SDK1: variants seen among roughly 807,000 people sequenced by gnomAD.
SDK1 encodes the protein sidekick cell adhesion molecule 1.
SDK1 carries 157 observed loss-of-function variants against 245.5 expected under a neutral mutation model. The observed-to-expected ratio is 0.64, with a 90% CI of 0.56 to 0.73. The LOEUF is 0.73. Among genes scored for constraint, SDK1 ranks in the 30% least tolerant of loss-of-function variants. The pLI, the probability that SDK1 is intolerant of heterozygous loss-of-function variation, is 0.00. For synonymous variants in SDK1, 1,647 were observed against 1,278.5 expected, an observed-to-expected ratio of 1.29 and a Z score of -6.15; for missense variants, 3,583 against 3,002.3, an observed-to-expected ratio of 1.19 and a Z score of -4.52.
At chr7:3,757,083 A>G (rs1383428318) in intron 4 of SDK1, among the ~76,000 whole-genome samples, 4 of 152,024 alleles carry the variant, frequency 2.6e-5, no homozygotes, top group African/African-American at 9.7e-5. Flanking sequence ...GTGTCCTGCA[A>G]TTCAACTGAA....
At chr7:3,687,238 C>T (rs1212004031) in intron 4 of SDK1, among the ~76,000 whole-genome samples, 1 of 150,062 alleles carries the variant, frequency 6.7e-6, no homozygotes, top group Non-Finnish European at 1.5e-5. Context: ...GTGGTGCGAT[C>T]TCAGCTCAGC....
intron 35 of SDK1, among the ~76,000 whole-genome samples, chr7:4,192,829 C>A (rs1783288841): frequency 6.6e-6 from 1 of 151,804 alleles, no homozygotes; most frequent in Admixed American, 6.6e-5. Context: ...ATCCAAACAT[C>A]CACCTCCTCC....
At chr7:4,264,997 G>T (rs920044238) in intron 44 of SDK1, 127 bp from the exon 45 acceptor site, 5 of 1,410,694 alleles carry the variant, frequency 3.5e-6, no homozygotes, top group Non-Finnish European at 4.7e-6. Flanking sequence ...GGGTTGGGGT[G>T]GGGAGAGGGC....
Position 3,985,227 on chromosome 7 carries a change from G to T in SDK1, c.1995-1959G>T, listed in dbSNP as rs565271344. On this transcript the variant is annotated intron_variant, in intron 13 of 44. Transcript: ENST00000404826. ...CACCATGGTGGCGAAAACCGTCCCAGTCACTCAGGAAACTAAAACAGTCTG... is the reference window on the plus strand; with the variant it reads ...CACCATGGTGGCGAAAACCGTCCCATTCACTCAGGAAACTAAAACAGTCTG... Among the ~76,000 whole-genome samples the T allele has an allele frequency of 1.1e-3, 161 of 152,344 alleles. 1 individual carries two copies. Among genetic ancestry groups the T allele is most frequent in the African/African-American group, 3.6e-3 (149 of 41,570 alleles).
chr7:3,951,635 T>G (rs929055434), intron 6 of SDK1, 95 bp from the exon 7 acceptor site: 2 of 1,094,636 alleles, frequency 1.8e-6, no homozygotes, highest in Non-Finnish European at 2.7e-6. Context: ...CTGGTAGCAT[T>G]AGCTTCGTCA....
At chr7:3,786,528 C>G (rs1562442378) in intron 4 of SDK1, among the ~76,000 whole-genome samples, 1 of 152,136 alleles carries the variant, frequency 6.6e-6, no homozygotes, top group Non-Finnish European at 1.5e-5. Context: ...CTCTTATAAG[C>G]CTCTCCATGT....
intron 1 of SDK1, among the ~76,000 whole-genome samples, chr7:3,493,585 A>G (rs1375389434): frequency 1.3e-5 from 2 of 152,232 alleles, no homozygotes; most frequent in Non-Finnish European, 2.9e-5. Flanking sequence ...TTCTTGCACT[A>G]TTATTTAACT....
At chr7:4,144,815 TC>T (rs1184712276) in intron 28 of SDK1, among the ~76,000 whole-genome samples, 1 of 152,036 alleles carries the variant, frequency 6.6e-6, no homozygotes, top group African/African-American at 2.4e-5. Flanking sequence ...GCGGCTCTGT[TC>T]CCCCCGTGCG....
chr7:3,972,077 CTCTT>C (rs998175601), intron 12 of SDK1, among the ~76,000 whole-genome samples: 9 of 112,258 alleles, frequency 8.0e-5, no homozygotes, highest in African/African-American at 3.6e-4. Flanking sequence ...TGTGAGGGTT[CTCTT>C]TTTTTTTTTT....
At chr7:3,408,848 G>C (rs1453777889) in intron 1 of SDK1, among the ~76,000 whole-genome samples, 1 of 152,146 alleles carries the variant, frequency 6.6e-6, no homozygotes, top group Non-Finnish European at 1.5e-5. Context: ...TTATAAAATA[G>C]CAGTGCTACT....
chr7:3,881,530 T>C (rs531978107), intron 5 of SDK1, among the ~76,000 whole-genome samples: 9 of 152,348 alleles, frequency 5.9e-5, no homozygotes, highest in African/African-American at 2.2e-4. Flanking sequence ...TGACTCCATG[T>C]CTTTGCTATT....
chr7:3,448,199 T>C (rs1008893342), intron 1 of SDK1, among the ~76,000 whole-genome samples: 3 of 152,214 alleles, frequency 2.0e-5, no homozygotes, highest in Admixed American at 6.5e-5. Context: ...TATCACTCTT[T>C]AAGCAAATGT....
chr7:3,517,726 G>C (rs558597785), intron 1 of SDK1, among the ~76,000 whole-genome samples: 2 of 152,026 alleles, frequency 1.3e-5, no homozygotes, highest in Non-Finnish European at 2.9e-5. Flanking sequence ...TCATCTGTTC[G>C]CCTTGAATTG....
At chr7:3,927,941 G>A (rs1779834282) in intron 5 of SDK1, among the ~76,000 whole-genome samples, 1 of 152,178 alleles carries the variant, frequency 6.6e-6, no homozygotes, top group African/African-American at 2.4e-5. Context: ...TCTCTTGATT[G>A]CTGGCAGCAG....
chr7:4,029,516 T>C (rs1342125712), intron 17 of SDK1, among the ~76,000 whole-genome samples: 1 of 135,420 alleles, frequency 7.4e-6, no homozygotes, highest in Non-Finnish European at 1.5e-5. Context: ...CTGCCGATTT[T>C]CTTTCATTCA....
chr7:3,533,561 G>C (rs956858056), intron 1 of SDK1, among the ~76,000 whole-genome samples: 4 of 152,116 alleles, frequency 2.6e-5, no homozygotes, highest in African/African-American at 9.7e-5. Flanking sequence ...ATCCCTATAA[G>C]TCTGTAATGA....
intron 1 of SDK1, among the ~76,000 whole-genome samples, chr7:3,469,667 C>T (rs571938799): frequency 1.3e-5 from 2 of 152,300 alleles, no homozygotes; most frequent in South Asian, 4.2e-4. Flanking sequence ...CATCTAACGT[C>T]TAGTTACTTA....
intron 27 of SDK1, among the ~76,000 whole-genome samples, chr7:4,132,075 C>G (rs922121423): frequency 6.6e-6 from 1 of 152,122 alleles, no homozygotes; most frequent in African/African-American, 2.4e-5. Flanking sequence ...GTTCGTGAAC[C>G]CTGCTTTTGA....
chr7:3,488,229 C>A (rs1583936295), intron 1 of SDK1, among the ~76,000 whole-genome samples: 1 of 152,096 alleles, frequency 6.6e-6, no homozygotes, highest in African/African-American at 2.4e-5. Context: ...CAATTTTATG[C>A]TGTGTCTTTT....
Sources: gnomAD v4.1 joint callset for allele counts (sites outside exome capture counted in the v4.1 genomes callset) on GRCh38, gnomAD v4.1.1 for gene constraint, MANE v1.5 for transcripts, NCBI Gene and HGNC (gene_info 2026-07-23, HGNC 2026-07-21) for gene names.